PLAT: variants seen among roughly 807,000 people sequenced by gnomAD.
PLAT encodes tissue-type plasminogen activator.
In PLAT, 48 loss-of-function variants were observed where a neutral mutation model predicts 74.9. The observed-to-expected ratio is 0.64, with a 90% CI of 0.51 to 0.82. The LOEUF (loss-of-function observed/expected upper bound fraction) is 0.82, where lower values mean the gene tolerates loss of function less well. Among genes scored for constraint, PLAT ranks in the 40% least tolerant of loss-of-function variants. The pLI is 0.00. For missense variants in PLAT, 673 were observed against 736.2 expected (o/e 0.91, Z 0.99); for synonymous variants, 307 against 294.4 (o/e 1.04, Z -0.44).
intron 6 of PLAT, chr8:42,186,454 G>A (rs554331410): frequency 6.6e-6 from 1 of 152,278 alleles, no homozygotes; most frequent in Non-Finnish European, 1.5e-5. Flanking sequence ...CCTATGGCCT[G>A]GAAGCCCTTG....
intron 1 of PLAT, among the ~76,000 whole-genome samples, chr8:42,202,712 G>T (rs1415954594): frequency 6.6e-6 from 1 of 152,148 alleles, no homozygotes; most frequent in Non-Finnish European, 1.5e-5. Context: ...AGACACTCAG[G>T]GTACAGCAGA....
At chr8:42,207,310 C>T (rs1806380193) in intron 1 of PLAT, among the ~76,000 whole-genome samples, 184 bp downstream of exon 1, 1 of 152,190 alleles carries the variant, frequency 6.6e-6, no homozygotes. Context: ...TCCAGCCTAT[C>T]CCAATCACAT....
At chr8:42,202,071 G>A (rs899497943) in intron 1 of PLAT, among the ~76,000 whole-genome samples, 3 of 152,180 alleles carry the variant, frequency 2.0e-5, no homozygotes, top group Admixed American at 6.5e-5. Flanking sequence ...CCAGACTGGA[G>A]TGCAGTGGCG....
intron 1 of PLAT, among the ~76,000 whole-genome samples, chr8:42,194,031 CCTTTCTT>C (rs1300067291): frequency 1.5e-5 from 2 of 132,570 alleles, no homozygotes; most frequent in African/African-American, 2.9e-5. Flanking sequence ...TTTTCTTTTT[CCTTTCTT>C]CTTTCTTCTT....
intron 12 of PLAT, 37 bp downstream of exon 12, chr8:42,179,889 C>A: frequency 6.5e-7 from 1 of 1,528,414 alleles, no homozygotes; most frequent in South Asian, 1.3e-5. Flanking sequence ...CCTGCTGTCC[C>A]GCAGACAGGA....
chr8:42,206,150 G>A (rs749069003), intron 1 of PLAT, among the ~76,000 whole-genome samples: 3 of 152,172 alleles, frequency 2.0e-5, no homozygotes, highest in Non-Finnish European at 4.4e-5. Context: ...TTGGGGAGTC[G>A]GGCAGAGAAG....
At chr8:42,200,963 C>T (rs557496200) in intron 1 of PLAT, among the ~76,000 whole-genome samples, 5 of 151,990 alleles carry the variant, frequency 3.3e-5, no homozygotes, top group African/African-American at 9.7e-5. Flanking sequence ...CCGAGTAGCT[C>T]GGATTACAAG....
At chr8:42,189,683 C>G (rs909826552) in intron 3 of PLAT, among the ~76,000 whole-genome samples, 4 of 151,282 alleles carry the variant, frequency 2.6e-5, no homozygotes, top group Admixed American at 2.6e-4. Context: ...ACTGCAACCT[C>G]CACCTCCTGG....
intron 1 of PLAT, among the ~76,000 whole-genome samples, chr8:42,194,233 AGAGAGAGAGTGT>A (rs1307872570): frequency 1.6e-5 from 1 of 61,386 alleles, no homozygotes; most frequent in Non-Finnish European, 3.7e-5. Context: ...AGAGAGAGAG[AGAGAGAGAGTGT>A]GTGTGTGTGT....
chr8:42,194,241 A>AGAGAGAGAGAGAGAGTGT (rs1419569830), intron 1 of PLAT, among the ~76,000 whole-genome samples: 47 of 52,544 alleles, frequency 8.9e-4, no homozygotes, highest in African/African-American at 2.8e-3. Flanking sequence ...AGAGAGAGAG[A>AGAGAGAGAGAGAGAGTGT]GTGTGTGTGT....
chr8:42,207,213 C>T (rs1487368615), intron 1 of PLAT, among the ~76,000 whole-genome samples: 2 of 152,150 alleles, frequency 1.3e-5, no homozygotes, highest in Non-Finnish European at 2.9e-5. Flanking sequence ...TTTTCACTTT[C>T]CCCTTTACTC....
At chr8:42,190,919 C>T (rs986797433) in intron 3 of PLAT, among the ~76,000 whole-genome samples, 7 of 152,180 alleles carry the variant, frequency 4.6e-5, no homozygotes, top group East Asian at 3.9e-4. Flanking sequence ...CCAAAGCTGC[C>T]GGTGCACTGT....
chr8:42,189,686 C>T (rs542777518), intron 3 of PLAT, among the ~76,000 whole-genome samples: 16 of 151,196 alleles, frequency 1.1e-4, no homozygotes, highest in Admixed American at 3.3e-4. Context: ...GCAACCTCCA[C>T]CTCCTGGGTT....
rs2020920 is a variant in PLAT at position 42,207,476 on chromosome 8, T to C, written c.-27+18A>G. 0.14 allele frequency: 20,870 copies of C among 152,290 alleles called. 3,175 individuals are homozygous for C. The highest frequency in any genetic ancestry group is 0.38 in the African/African-American group (15,731 of 41,482). The allele number at this position is 152,290 out of a possible 1,614,324, so 9.4% of individuals were successfully genotyped here. A position where few individuals can be genotyped will look rare whatever the true frequency, so the allele number is the denominator to read the frequency against. ...AAAGAAGAGGAGACAGACCCCAAGG[T>C]ACAGAAACCCGACCTACCACGGCTT... On this transcript the variant is annotated intron_variant, in intron 1 of 13. Coordinates refer to ENST00000220809, the MANE Select transcript of PLAT (RefSeq NM_000930.5).
At chr8:42,203,541 T>G (rs995360912) in intron 1 of PLAT, among the ~76,000 whole-genome samples, 2 of 152,236 alleles carry the variant, frequency 1.3e-5, no homozygotes, top group Non-Finnish European at 2.9e-5. Flanking sequence ...CTGTTTCATC[T>G]TCACTCTGTC....
chr8:42,200,705 G>A (rs1280749154), intron 1 of PLAT, among the ~76,000 whole-genome samples: 2 of 149,336 alleles, frequency 1.3e-5, no homozygotes, highest in East Asian at 3.9e-4. Context: ...TATAAGCGTC[G>A]TGCTGTACGG....
At chr8:42,195,161 C>G (rs1199079937) in intron 1 of PLAT, among the ~76,000 whole-genome samples, 1 of 147,994 alleles carries the variant, frequency 6.8e-6, no homozygotes, top group African/African-American at 2.5e-5. Flanking sequence ...GGCACAGGGG[C>G]TTCCAGGCCT....
At chr8:42,178,870 C>A (rs780841805) in intron 13 of PLAT, 27 bp downstream of exon 13, 2 of 1,609,496 alleles carry the variant, frequency 1.2e-6, no homozygotes, top group Admixed American at 3.3e-5. Flanking sequence ...GGGTTGTGCC[C>A]AGCATGGGCG....
In PLAT at chr8:42,189,055, T is replaced by C; in HGVS notation, c.132A>G (p.Glu44=). ...ARSYQVICRD[E]KTQMIYQQHQ... ...GTTGCTGGTATATCATCTGCGTTTT[T>C]TCATCTCTGCAGATCACTATGAGAA... Residue 44 remains glutamate (E), a synonymous_variant, in exon 4 of 14, where the codon GAA becomes GAG. Transcript: ENST00000220809. 6.2e-7 allele frequency: 1 copy of C among 1,613,884 alleles called. No homozygotes were observed. Among genetic ancestry groups the C allele is most frequent in the Non-Finnish European group, 8.5e-7 (1 of 1,179,806 alleles).
Sources: gnomAD v4.1 joint callset for allele counts (sites outside exome capture counted in the v4.1 genomes callset) on GRCh38, gnomAD v4.1.1 for gene constraint, MANE v1.5 for transcripts, NCBI Gene and HGNC (gene_info 2026-07-23, HGNC 2026-07-21) for gene names.